Variants in HIBCH observed in about 807,000 individuals in gnomAD.
HIBCH encodes the protein 3-hydroxyisobutyryl-CoA hydrolase, also known as 3-hydroxyisobutyryl-CoA hydrolase, mitochondrial.
Under a neutral mutation model 58.2 loss-of-function variants are expected in HIBCH, and 50 were observed. That is an observed-to-expected ratio of 0.86 (90% CI 0.68 to 1.09). The LOEUF is 1.09. Among genes scored for constraint, HIBCH ranks in the 50% least tolerant of loss-of-function variants. HIBCH has a pLI of 0.00. For missense variants in HIBCH, 450 were observed against 449.7 expected, an observed-to-expected ratio of 1.00 and a Z score of -0.01; for synonymous variants, 151 against 146.9, an observed-to-expected ratio of 1.03 and a Z score of -0.20.
chr2:190,199,538 GTGAT>G (rs548468183), downstream of HIBCH, among the ~76,000 whole-genome samples: 2 of 152,122 alleles, frequency 1.3e-5, no homozygotes, highest in Non-Finnish European at 2.9e-5. Context: ...TTTTTATTGA[GTGAT>G]TATCTTTTTC....
chr2:190,318,537 G>A (rs1041906616), intron 1 of HIBCH, among the ~76,000 whole-genome samples: 4 of 152,140 alleles, frequency 2.6e-5, no homozygotes, highest in African/African-American at 9.7e-5. Flanking sequence ...TCTGGAAAAG[G>A]CATCTCAGAT....
intron 11 of HIBCH, among the ~76,000 whole-genome samples, chr2:190,232,109 C>A (rs1256530146): frequency 2.6e-5 from 4 of 152,120 alleles, no homozygotes; most frequent in Admixed American, 2.0e-4. Flanking sequence ...GCAGGAGAAT[C>A]CTTTAAACCC....
intron 1 of HIBCH, among the ~76,000 whole-genome samples, chr2:190,317,233 T>C (rs79651989): frequency 0.014 from 2,129 of 152,276 alleles, 57 homozygotes; most frequent in African/African-American, 0.047. Context: ...GCTTCCTGAC[T>C]CCCTCTCCCT....
intron 9 of HIBCH, among the ~76,000 whole-genome samples, chr2:190,247,481 G>A (rs1479867762): frequency 6.6e-6 from 1 of 152,056 alleles, no homozygotes; most frequent in Non-Finnish European, 1.5e-5. Context: ...CTGCCAATCT[G>A]TACTCATGTT....
chr2:190,265,288 C>T (rs1437147866), intron 6 of HIBCH, among the ~76,000 whole-genome samples: 1 of 149,560 alleles, frequency 6.7e-6, no homozygotes. Flanking sequence ...CACATTTTAG[C>T]CATTCTAATG....
chr2:190,312,301 T>C (rs1688580617), intron 1 of HIBCH, among the ~76,000 whole-genome samples: 1 of 152,222 alleles, frequency 6.6e-6, no homozygotes, highest in Non-Finnish European at 1.5e-5. Flanking sequence ...CACAACGTAA[T>C]GACAGATGTG....
intron 1 of HIBCH, among the ~76,000 whole-genome samples, chr2:190,314,327 A>ACG (rs1559068388): frequency 0.018 from 43 of 2,400 alleles, no homozygotes; most frequent in African/African-American, 0.023. Flanking sequence ...ATATGTATAT[A>ACG]TGTATATATA....
rs779220694 is a variant in HIBCH, at chr2:190,217,752, G to T, written c.892-4677C>A. Among the ~76,000 whole-genome samples the T allele has an allele frequency of 6.6e-6, 1 of 152,118 alleles. No homozygotes were observed. Among genetic ancestry groups the T allele is most frequent in the African/African-American group, 2.4e-5 (1 of 41,414 alleles). The stretch of plus-strand genomic sequence containing the variant: ...TGCTCCACCCAAGCTGGGAAAGTCC[G>T]TAACAAGTGCTCCTAATCACTAAAA... On this transcript the variant is annotated intron_variant, in intron 11 of 13. Coordinates refer to ENST00000359678, the MANE Select transcript of HIBCH (RefSeq NM_014362.4). The surrounding 1 kb of genome is among the most constrained non-coding windows in gnomAD (Gnocchi z 4.6).
chr2:190,232,179 A>G (rs899643192), intron 11 of HIBCH, among the ~76,000 whole-genome samples: 5 of 152,178 alleles, frequency 3.3e-5, no homozygotes, highest in African/African-American at 1.2e-4. Context: ...CGGGCAACAG[A>G]GCAAGACTCC....
rs1036367217 is a variant in HIBCH at position 190,215,483 on chromosome 2, G to T, written c.892-2408C>A. The T allele has an allele frequency of 6.6e-6, 1 of 152,190 alleles. No homozygotes were observed. Among genetic ancestry groups the T allele is most frequent in the Non-Finnish European group, 1.5e-5 (1 of 68,034 alleles). 9.4% of individuals were successfully genotyped at this position (152,190 alleles called of 1,614,324 possible). A position where few individuals can be genotyped will look rare whatever the true frequency, so the allele number is the denominator to read the frequency against. ...AGACTCCCTCTGTGTTGCTGCAGAG[G>T]CTCAGTGATCAAATGCGAAAATATT... On this transcript the variant is annotated intron_variant, in intron 11 of 13. Transcript: ENST00000359678. This position sits in a 1 kb window ranked among gnomAD's most constrained non-coding sequence, Gnocchi z 4.4.
chr2:190,296,416 C>G (rs1688105173), intron 3 of HIBCH, among the ~76,000 whole-genome samples: 1 of 96,686 alleles, frequency 1.0e-5, no homozygotes, highest in Non-Finnish European at 2.3e-5. Flanking sequence ...TGAGACTCCT[C>G]CGTCTCAAAA....
rs1216075561 is a variant in HIBCH, at chr2:190,243,409, C to A, written c.891+1478G>T. ...TGTGCAGGTTAATACTTAATAAACT[C>A]CCCTTTATATACATATCTCCTATTA... On this transcript the variant is annotated intron_variant, in intron 11 of 13. Coordinates refer to ENST00000359678, the MANE Select transcript of HIBCH (RefSeq NM_014362.4). This position sits in a 1 kb window ranked among gnomAD's most constrained non-coding sequence, Gnocchi z 4.1. Among the ~76,000 whole-genome samples, 1 of 152,148 alleles carries A rather than the reference C, an allele frequency of 6.6e-6. No individual in the cohort carries two copies. The highest frequency in any genetic ancestry group is 1.9e-4 in the East Asian group (1 of 5,202).
chr2:190,298,106 T>A (rs751504614), intron 2 of HIBCH, among the ~76,000 whole-genome samples: 1 of 152,322 alleles, frequency 6.6e-6, no homozygotes, highest in Non-Finnish European at 1.5e-5. Flanking sequence ...CATGGCTGCA[T>A]AGTATTCCAT....
chr2:190,199,843 C>T (rs1354676064), downstream of HIBCH: 11 of 1,609,036 alleles, frequency 6.8e-6, no homozygotes, highest in African/African-American at 1.3e-5. Context: ...GCTTCCTCCA[C>T]AAACAGCTCT....
At chr2:190,240,596 T>C (rs1028753161) in intron 11 of HIBCH, among the ~76,000 whole-genome samples, 2 of 152,232 alleles carry the variant, frequency 1.3e-5, no homozygotes, top group Non-Finnish European at 2.9e-5. Flanking sequence ...CAATTTTAGA[T>C]CTTTTCCACT....
chr2:190,292,074 C>G lies in HIBCH; in HGVS notation c.305-1589G>C, dbSNP rs536775840. Among the ~76,000 whole-genome samples the G allele has an allele frequency of 5.3e-5, 8 of 152,292 alleles. No individual in the cohort carries two copies. In the East Asian group the frequency reaches 9.7e-4, roughly 18 times the overall value. ...CTTGGCTCACTGCAACCTCCACCTC[C>G]CAGGTTGAAGTGATTCTCCTGCCTC... is the stretch of plus-strand genomic sequence containing the variant. On this transcript the variant is annotated intron_variant, in intron 4 of 13. Transcript: ENST00000359678.
intron 6 of HIBCH, among the ~76,000 whole-genome samples, chr2:190,273,849 G>C (rs1023180568): frequency 6.6e-5 from 10 of 151,442 alleles, no homozygotes; most frequent in African/African-American, 2.4e-4. Context: ...TTTTCCTGCG[G>C]CAGGGTCTCA....
chr2:190,224,106 T>C (rs1220675562), intron 11 of HIBCH, among the ~76,000 whole-genome samples: 2 of 152,200 alleles, frequency 1.3e-5, no homozygotes, highest in African/African-American at 4.8e-5. Flanking sequence ...CAGGAGATTA[T>C]ATCCTGCACC....
chr2:190,233,357 TG>T (rs1686168286), intron 11 of HIBCH, among the ~76,000 whole-genome samples: 1 of 152,168 alleles, frequency 6.6e-6, no homozygotes, highest in South Asian at 2.1e-4. Flanking sequence ...CCACGTGTTG[TG>T]AGACAGACCC....
Sources: gnomAD v4.1 joint callset for allele counts (sites outside exome capture counted in the v4.1 genomes callset) on GRCh38, gnomAD v4.1.1 for gene constraint, Gnocchi (gnomAD v3.1) non-coding constraint, MANE v1.5 for transcripts, NCBI Gene and HGNC (gene_info 2026-07-23, HGNC 2026-07-21) for gene names.